Variants in PAH observed in about 807,000 individuals in gnomAD.
The protein encoded by PAH is phenylalanine-4-hydroxylase.
PAH carries 64 observed loss-of-function variants against 62.0 expected under a neutral mutation model. The ratio of observed to expected loss-of-function variants is 1.03; its 90% CI spans 0.84 to 1.27. The LOEUF (loss-of-function observed/expected upper bound fraction) is 1.27. PAH is among the 50% of genes most tolerant of loss of function. The probability of loss-of-function intolerance (pLI) is 0.00; values close to 1 mark genes in which losing one functional copy is unlikely to be tolerated. For missense variants in PAH, 579 were observed against 542.8 expected, an observed-to-expected ratio of 1.07 and a Z score of -0.66; for synonymous variants, 195 against 196.2, an observed-to-expected ratio of 0.99 and a Z score of 0.05.
At position 102,911,464 on chromosome 12, in the gene PAH, C is replaced by T. The variant is rs532526309; in HGVS notation, c.168+1327G>A. On this transcript the variant is annotated intron_variant, in intron 2 of 12. Transcript: ENST00000553106. ...CTTCCGTATTTACTAGCTGTTTGAC[C>T]TTGGGCACATTTACCTAACCCCTCT... 1.2e-4 allele frequency among the ~76,000 whole-genome samples: 18 copies of T among 152,228 alleles called. No individual in the cohort carries two copies. In the East Asian group the frequency reaches 3.5e-3, roughly 29 times the overall value.
intron 1 of PAH, among the ~76,000 whole-genome samples, chr12:102,916,126 G>C (rs902214772): frequency 6.9e-6 from 1 of 144,754 alleles, no homozygotes; most frequent in Admixed American, 7.3e-5. Flanking sequence ...TAAGAGCCAT[G>C]TACTATTTTC....
At chr12:102,896,746 T>C (rs544964549) in intron 2 of PAH, among the ~76,000 whole-genome samples, 2 of 152,196 alleles carry the variant, frequency 1.3e-5, no homozygotes, top group African/African-American at 2.4e-5. Flanking sequence ...ATTACTCTGT[T>C]GTCTATGTGG....
intron 8 of PAH, among the ~76,000 whole-genome samples, chr12:102,849,485 T>C (rs1420045517): frequency 1.3e-5 from 2 of 152,138 alleles, no homozygotes; most frequent in South Asian, 2.1e-4. Flanking sequence ...AGCCATGAAA[T>C]TGAGTGAGAT....
chr12:102,944,909 C>T (rs1025505007), intron 1 of PAH, among the ~76,000 whole-genome samples: 12 of 152,108 alleles, frequency 7.9e-5, no homozygotes, highest in African/African-American at 2.7e-4. Context: ...GAAAGGATTT[C>T]CAGGTATTCT....
chr12:102,866,801 T>G, intron 4 of PAH, 138 bp from the exon 5 acceptor site: 1 of 756,402 alleles, frequency 1.3e-6, no homozygotes, highest in Non-Finnish European at 2.4e-6. Context: ...AACTAAAGTC[T>G]CGGTTAAACT....
chr12:102,906,578 C>T (rs1219304551), intron 2 of PAH, among the ~76,000 whole-genome samples: 5 of 152,104 alleles, frequency 3.3e-5, no homozygotes, highest in African/African-American at 1.2e-4. Flanking sequence ...TTAAATGTTG[C>T]ATTCACAAAA....
intron 1 of PAH, among the ~76,000 whole-genome samples, chr12:102,956,824 C>T (rs183595102): frequency 8.5e-5 from 13 of 152,072 alleles, no homozygotes; most frequent in African/African-American, 3.1e-4. Context: ...AACCACTCCT[C>T]GGTGTCGCTT....
intron 4 of PAH, among the ~76,000 whole-genome samples, chr12:102,873,708 G>A (rs1286927554): frequency 6.6e-6 from 1 of 152,238 alleles, no homozygotes; most frequent in Non-Finnish European, 1.5e-5. Flanking sequence ...TATCCCAACT[G>A]TATTCCATGG....
intron 1 of PAH, chr12:102,914,491 C>A (rs1232900327): frequency 6.6e-6 from 1 of 152,368 alleles, no homozygotes; most frequent in Non-Finnish European, 1.5e-5. Context: ...AGGATCTGAA[C>A]CCAGGTCATT....
chr12:102,866,739 G>C (rs1403992360), intron 4 of PAH, 76 bp from the exon 5 acceptor site: 1 of 1,187,156 alleles, frequency 8.4e-7, no homozygotes, highest in Non-Finnish European at 1.3e-6. Context: ...GCTTTGAATG[G>C]GGGCTCTCAA....
intron 4 of PAH, among the ~76,000 whole-genome samples, chr12:102,869,653 T>C (rs1876213290): frequency 6.6e-6 from 1 of 152,230 alleles, no homozygotes; most frequent in South Asian, 2.1e-4. Context: ...TTCCAGCTCC[T>C]GGTTTCTAAG....
intron 8 of PAH, 95 bp from the exon 9 acceptor site, chr12:102,847,046 G>T: frequency 1.1e-6 from 1 of 940,394 alleles, no homozygotes; most frequent in East Asian, 2.4e-5. Context: ...TGGGTGGCCA[G>T]ATGCCTTCAG....
upstream of PAH, among the ~76,000 whole-genome samples, chr12:102,918,462 T>C (rs1878468397): frequency 6.6e-6 from 1 of 151,484 alleles, no homozygotes; most frequent in Non-Finnish European, 1.5e-5. Context: ...AATAAACAAA[T>C]AAATAAATAA....
Position 102,866,621 on chromosome 12 carries a change from C to A in PAH, c.484G>T (p.Ala162Ser), listed in dbSNP as rs547566250. The A allele has an allele frequency of 3.1e-6, 5 of 1,613,820 alleles. No homozygotes were observed. The African/African-American group carries it at 6.7e-5, about 22-fold the overall frequency. Reference sequence around the variant, plus strand: ...TGGCGGTAGTTGTAGGCAATGTCAGCAAACTGCTTCCGTCTTGCACGGTAC... The same window carrying A: ...TGGCGGTAGTTGTAGGCAATGTCAGAAAACTGCTTCCGTCTTGCACGGTAC... Reference protein sequence around the residue: ...PVYRARRKQFADIAYNYRHGQ... With the variant: ...PVYRARRKQFSDIAYNYRHGQ... Residue 162 changes from alanine to serine, a missense_variant, in exon 5 of 13, where the codon GCT becomes TCT. Transcript: ENST00000553106.
chr12:102,921,058 T>C (rs769063577), upstream of PAH, among the ~76,000 whole-genome samples: 10 of 152,216 alleles, frequency 6.6e-5, no homozygotes, highest in Admixed American at 1.3e-4. Flanking sequence ...TTATGAATCA[T>C]AGGGAACATG....
chr12:102,897,541 A>C (rs1877563870), intron 2 of PAH, among the ~76,000 whole-genome samples: 1 of 150,832 alleles, frequency 6.6e-6, no homozygotes. Context: ...CCTCAGTGAA[A>C]AAACAATTTT....
upstream of PAH, among the ~76,000 whole-genome samples, chr12:102,955,227 T>G (rs1879877368): frequency 6.6e-6 from 1 of 152,220 alleles, no homozygotes. Flanking sequence ...TTCTGTCCTC[T>G]ACTTCCCTGG....
At chr12:102,863,135 G>A (rs768626067) in intron 5 of PAH, among the ~76,000 whole-genome samples, 33 of 152,150 alleles carry the variant, frequency 2.2e-4, no homozygotes, top group Non-Finnish European at 3.5e-4. Context: ...CAGCTGCTAC[G>A]TGGGCTAAAC....
At chr12:102,889,573 C>T (rs11830601) in intron 3 of PAH, among the ~76,000 whole-genome samples, 3 of 137,678 alleles carry the variant, frequency 2.2e-5, no homozygotes, top group Admixed American at 7.5e-5. Flanking sequence ...GATAGATAGA[C>T]AGGCAGATAG....
Sources: allele counts gnomAD v4.1 joint callset (sites outside exome capture counted in the v4.1 genomes callset), GRCh38; gene constraint gnomAD v4.1.1; transcripts MANE v1.5; gene names NCBI Gene and HGNC (gene_info 2026-07-23, HGNC 2026-07-21).